The following CPED1 variants were observed in gnomAD, a reference collection of about 807,000 sequenced individuals.
CPED1 encodes cadherin like and PC-esterase domain containing 1, also known as cadherin-like and PC-esterase domain-containing protein 1.
A neutral mutation model predicts 128.2 loss-of-function variants in CPED1; 114 were observed. The observed-to-expected ratio is 0.89, with a 90% CI of 0.76 to 1.04. CPED1 has a LOEUF of 1.04. CPED1 is among the 50% of genes least tolerant of loss of function. CPED1 has a pLI of 0.00. For synonymous variants in CPED1, 462 were observed against 426.7 expected, an observed-to-expected ratio of 1.08 and a Z score of -1.02; for missense variants, 1,211 against 1,207.1, an observed-to-expected ratio of 1.00 and a Z score of -0.05.
At chr7:121,189,339 G>A (rs1264690084) in intron 16 of CPED1, among the ~76,000 whole-genome samples, 2 of 152,242 alleles carry the variant, frequency 1.3e-5, no homozygotes, top group African/African-American at 4.8e-5. Context: ...AGGAAACACG[G>A]CTGGAAAGCC....
At chr7:121,217,754 A>G (rs1797789150) in intron 16 of CPED1, among the ~76,000 whole-genome samples, 1 of 152,040 alleles carries the variant, frequency 6.6e-6, no homozygotes, top group African/African-American at 2.4e-5. Flanking sequence ...ATGTGCCTGT[A>G]CCTCACAGCA....
Position 121,040,944 on chromosome 7 carries a change from T to C in CPED1, c.434-5943T>C, listed in dbSNP as rs1031833030. Among the ~76,000 whole-genome samples the C allele has an allele frequency of 2.1e-4, 32 of 152,178 alleles. 1 individual carries two copies. Among genetic ancestry groups the C allele is most frequent in the African/African-American group, 7.7e-4 (32 of 41,570 alleles). Reference sequence around the variant, plus strand: ...ATAAATCTGTTCTGCCTCAAATTAATGTGTAAGTGTTTACAGAAAATTTCC... The same window carrying C: ...ATAAATCTGTTCTGCCTCAAATTAACGTGTAAGTGTTTACAGAAAATTTCC... On this transcript the variant is annotated intron_variant, in intron 3 of 22. Transcript: ENST00000310396.
At chr7:121,286,982 C>A (rs1228948127) in intron 22 of CPED1, among the ~76,000 whole-genome samples, 1 of 152,100 alleles carries the variant, frequency 6.6e-6, no homozygotes, top group African/African-American at 2.4e-5. Context: ...AGGAGAAGTG[C>A]CAAGTGAAGG....
intron 10 of CPED1, among the ~76,000 whole-genome samples, chr7:121,127,756 G>T (rs1346879158): frequency 6.6e-6 from 1 of 151,852 alleles, no homozygotes; most frequent in African/African-American, 2.4e-5. Flanking sequence ...GGCTGGTCTT[G>T]AACTCCTGAC....
chr7:121,047,882 T>A (rs1429857041), intron 4 of CPED1, among the ~76,000 whole-genome samples: 1 of 151,870 alleles, frequency 6.6e-6, no homozygotes, highest in Non-Finnish European at 1.5e-5. Flanking sequence ...TTTTTTTGCA[T>A]TTTTTAGTGG....
chr7:121,244,452 A>C lies in CPED1; in HGVS notation c.2310+114A>C, dbSNP rs946603736. On this transcript the variant is annotated intron_variant, in intron 18 of 22. Coordinates refer to ENST00000310396, the MANE Select transcript of CPED1 (RefSeq NM_024913.5). ...TGCTGTCTCACAGCAGAGGAAAACTAACTGAATGCAATATGGCTTTTTGAA... is the reference window on the plus strand; with the variant it reads ...TGCTGTCTCACAGCAGAGGAAAACTCACTGAATGCAATATGGCTTTTTGAA... The C allele has an allele frequency of 1.6e-4, 163 of 1,049,920 alleles. 1 individual carries two copies. The African/African-American group carries it at 2.4e-3, about 15-fold the overall frequency. 65.0% of individuals were successfully genotyped at this position (1,049,920 alleles called of 1,614,324 possible). A position where few individuals can be genotyped will look rare whatever the true frequency, so the allele number is the denominator to read the frequency against.
chr7:121,184,285 A>G (rs1197830187), intron 16 of CPED1, among the ~76,000 whole-genome samples: 1 of 152,152 alleles, frequency 6.6e-6, no homozygotes, highest in East Asian at 1.9e-4. Context: ...TAAAAAGGGG[A>G]AAAGAGTGTC....
At chr7:121,024,890 A>T (rs1218995048) in intron 3 of CPED1, among the ~76,000 whole-genome samples, 1 of 152,128 alleles carries the variant, frequency 6.6e-6, no homozygotes, top group African/African-American at 2.4e-5. Context: ...TGGATTAACT[A>T]AAAAGGGAGT....
chr7:121,182,115 A>G (rs1796908325), intron 16 of CPED1, among the ~76,000 whole-genome samples: 1 of 152,042 alleles, frequency 6.6e-6, no homozygotes, highest in Admixed American at 6.6e-5. Context: ...TATTTTAGAC[A>G]ATAAGAATCA....
At chr7:121,092,240 C>T (rs967348613) in intron 5 of CPED1, among the ~76,000 whole-genome samples, 11 of 152,126 alleles carry the variant, frequency 7.2e-5, no homozygotes, top group South Asian at 2.1e-4. Flanking sequence ...ATTGTGGTAG[C>T]GAGAGAAAAC....
rs966329439 is a variant in CPED1 at position 121,015,693 on chromosome 7, G to C, written c.278G>C (p.Gly93Ala). Residue 93 changes from glycine to alanine, a missense_variant, in exon 3 of 23, where the codon GGC becomes GCC. Transcript: ENST00000310396. ...AAAGAATCAATGGAGACACACTTTGGCAGCCATGGCCGAAGGGCCATACTC... is the reference window on the plus strand; with the variant it reads ...AAAGAATCAATGGAGACACACTTTGCCAGCCATGGCCGAAGGGCCATACTC... ...KVKESMETHF[G>A]SHGRRAILYR... 6.2e-7 allele frequency: 1 copy of C among 1,600,106 alleles called. No homozygotes were observed. Among genetic ancestry groups the C allele is most frequent in the Non-Finnish European group, 8.5e-7 (1 of 1,175,654 alleles).
intron 16 of CPED1, among the ~76,000 whole-genome samples, chr7:121,235,565 T>C (rs1798233420): frequency 6.6e-6 from 1 of 152,114 alleles, no homozygotes; most frequent in Non-Finnish European, 1.5e-5. Context: ...AATCCACTGT[T>C]TCTCTCCATT....
chr7:121,226,132 C>T (rs1351074935), intron 16 of CPED1, among the ~76,000 whole-genome samples: 1 of 152,076 alleles, frequency 6.6e-6, no homozygotes, highest in Non-Finnish European at 1.5e-5. Context: ...TACCTTTGGT[C>T]TTTGATGTTG....
intron 5 of CPED1, among the ~76,000 whole-genome samples, chr7:121,080,283 TATAAA>T (rs1412295772): frequency 6.6e-6 from 1 of 152,200 alleles, no homozygotes; most frequent in African/African-American, 2.4e-5. Context: ...TAAAGTATAC[TATAAA>T]ATAAAGTATA....
intron 10 of CPED1, among the ~76,000 whole-genome samples, chr7:121,127,539 C>CTTTT (rs67688816): frequency 7.4e-6 from 1 of 134,884 alleles, no homozygotes; most frequent in Non-Finnish European, 1.6e-5. Flanking sequence ...CTTTTTCTTT[C>CTTTT]TTTTTTTTTT....
intron 2 of CPED1, among the ~76,000 whole-genome samples, chr7:121,014,993 T>A (rs75381392): frequency 0.018 from 2,688 of 152,340 alleles, 79 homozygotes; most frequent in African/African-American, 0.061. Context: ...CCCTTTGTTA[T>A]TAGAATTTCA....
At chr7:121,153,459 A>G (rs1331483102) in intron 16 of CPED1, among the ~76,000 whole-genome samples, 3 of 152,210 alleles carry the variant, frequency 2.0e-5, no homozygotes, top group African/African-American at 7.2e-5. Flanking sequence ...ATTGCATCTG[A>G]TAATTATTTA....
chr7:121,193,241 T>C (rs1797187627), intron 16 of CPED1, among the ~76,000 whole-genome samples: 1 of 152,158 alleles, frequency 6.6e-6, no homozygotes, highest in Non-Finnish European at 1.5e-5. Flanking sequence ...TTACAATGCA[T>C]ATGAACAAAT....
chr7:121,204,471 C>G (rs1342600569), intron 16 of CPED1, among the ~76,000 whole-genome samples: 1 of 152,126 alleles, frequency 6.6e-6, no homozygotes, highest in Non-Finnish European at 1.5e-5. Context: ...CACCTACAGG[C>G]AGCCATATGT....
Sources: gnomAD v4.1 joint callset for allele counts (sites outside exome capture counted in the v4.1 genomes callset) on GRCh38, gnomAD v4.1.1 for gene constraint, MANE v1.5 for transcripts, NCBI Gene and HGNC (gene_info 2026-07-23, HGNC 2026-07-21) for gene names.